The following MEP1A variants were observed in gnomAD, a reference collection of about 807,000 sequenced individuals.
MEP1A encodes the protein meprin A subunit alpha.
Under a neutral mutation model 84.5 loss-of-function variants are expected in MEP1A, and 68 were observed. The observed-to-expected ratio is 0.80, with a 90% CI of 0.66 to 0.98. The LOEUF is 0.98. MEP1A is among the 50% of genes least tolerant of loss of function. The pLI is 0.00. For missense variants in MEP1A, 887 were observed against 919.9 expected (o/e 0.96, Z 0.46); for synonymous variants, 337 against 336.8 (o/e 1.00, Z -0.01).
downstream of MEP1A, among the ~76,000 whole-genome samples, chr6:46,842,071 C>T (rs966086727): frequency 1.3e-5 from 2 of 152,148 alleles, no homozygotes; most frequent in African/African-American, 4.8e-5. Flanking sequence ...TATCACTTCC[C>T]TAATAATACT....
chr6:46,839,054 G>T lies in MEP1A; in HGVS notation c.2159G>T (p.Gly720Val). ...QAVQVHGSVL[G>V]MVIGGTAGVI... ...GTGCAGGTGCACGGCAGTGTCCTGG[G>T]CATGGTGATCGGAGGCACGGCTGGC... The change falls in exon 14 of 14, where the codon GGC becomes GTC. Residue 720 changes from glycine (G) to valine (V), a missense_variant. Coordinates refer to ENST00000230588, the MANE Select transcript of MEP1A (RefSeq NM_005588.3). 6.2e-7 allele frequency: 1 copy of T among 1,613,854 alleles called. No individual in the cohort carries two copies. The highest frequency in any genetic ancestry group is 8.5e-7 in the Non-Finnish European group (1 of 1,179,810).
chr6:46,797,534 C>T (rs113693773), intron 3 of MEP1A, among the ~76,000 whole-genome samples: 5 of 152,316 alleles, frequency 3.3e-5, no homozygotes, highest in African/African-American at 1.2e-4. Flanking sequence ...TGGTCTTCCT[C>T]ATGATGTGGG....
chr6:46,820,546 C>G (rs1176721961), intron 7 of MEP1A, among the ~76,000 whole-genome samples: 3 of 152,094 alleles, frequency 2.0e-5, no homozygotes, highest in African/African-American at 7.2e-5. Flanking sequence ...GTCACCATGC[C>G]TGGCTAATTC....
chr6:46,824,995 G>A (rs28410801), intron 7 of MEP1A, among the ~76,000 whole-genome samples: 5 of 119,916 alleles, frequency 4.2e-5, no homozygotes, highest in East Asian at 4.4e-4. Flanking sequence ...TATTTAAATA[G>A]ATCTATTTAA....
In MEP1A at chr6:46,833,129, G is replaced by A. The variant is rs1282772441; in HGVS notation, c.1200G>A (p.Lys400=). The change falls in exon 11 of 14, where the codon AAG becomes AAA. Residue 400 remains lysine, a synonymous_variant. Transcript: ENST00000230588. ...IAHVVLKEEQ[K]FRYLFQGTKG... ...ATGTGGTGCTCAAAGAGGAACAGAA[G>A]TTTCGCTACCTTTTCCAGGGCACAA... 1 of 1,552,174 alleles carries A rather than the reference G, an allele frequency of 6.4e-7. No individual in the cohort carries two copies. The highest frequency in any genetic ancestry group is 2.2e-5 in the East Asian group (1 of 44,456).
At chr6:46,803,905 G>A (rs370727859) in intron 5 of MEP1A, among the ~76,000 whole-genome samples, 124 of 151,632 alleles carry the variant, frequency 8.2e-4, no homozygotes, top group East Asian at 2.7e-3. Flanking sequence ...TGTCCTTAGC[G>A]TTAATATTAT....
chr6:46,820,238 T>A (rs1767735699), intron 7 of MEP1A, among the ~76,000 whole-genome samples: 1 of 152,236 alleles, frequency 6.6e-6, no homozygotes, highest in African/African-American at 2.4e-5. Context: ...GCTAGTTATC[T>A]GGGTTCTGAT....
rs1474226278 is a variant in MEP1A, at chr6:46,819,463, AGTACT to A, written c.381-63_381-59del. ...AATTTCCTCCTAATTTGTGTTTTGG[AGTACT>A]GTGAATGACAGCCACTTAAAAATTC... On this transcript the variant is annotated intron_variant, in intron 6 of 13. Coordinates refer to ENST00000230588, the MANE Select transcript of MEP1A (RefSeq NM_005588.3). 6 of 1,310,058 alleles carry A rather than the reference AGTACT, an allele frequency of 4.6e-6. No homozygotes were observed. In the Admixed American group the frequency reaches 1.5e-4, roughly 32 times the overall value. 81.2% of individuals were successfully genotyped at this position (1,310,058 alleles called of 1,614,324 possible).
In MEP1A at chr6:46,835,125, C is replaced by A. The variant is rs541509286; in HGVS notation, c.1784-124C>A. 1.7e-4 allele frequency: 145 copies of A among 845,170 alleles called. No individual in the cohort carries two copies. The African/African-American group carries it at 2.4e-3, about 14-fold the overall frequency. The allele number at this position is 845,170 out of a possible 1,614,324, so 52.4% of individuals were successfully genotyped here. On this transcript the variant is annotated intron_variant, in intron 12 of 13. Transcript: ENST00000230588. ...TGGGAATCAGCTGGATTCAAAGCCA[C>A]TTTTCCATGTCACTAGGGGTGATGG...
chr6:46,839,146 T>C lies in MEP1A; in HGVS notation c.*10T>C. 1.2e-6 allele frequency: 2 copies of C among 1,610,744 alleles called. No individual in the cohort carries two copies. Among genetic ancestry groups the C allele is most frequent in the Non-Finnish European group, 1.7e-6 (2 of 1,178,892 alleles). On this transcript the variant is annotated 3_prime_UTR_variant, in exon 14 of 14. Transcript: ENST00000230588. ...AAGGCCAAGGAAGTGACCTGCCTGC[T>C]GGCATTGGCCAGACCACAGCAGCAC... is the stretch of plus-strand genomic sequence containing the variant.
At chr6:46,816,044 C>A (rs923925398) in intron 6 of MEP1A, among the ~76,000 whole-genome samples, 7 of 152,068 alleles carry the variant, frequency 4.6e-5, no homozygotes, top group African/African-American at 1.7e-4. Context: ...TCAAGCAATT[C>A]TCCTGCCTCA....
intron 9 of MEP1A, 87 bp downstream of exon 9, chr6:46,826,590 A>G (rs1402508741): frequency 5.1e-6 from 6 of 1,170,066 alleles, no homozygotes; most frequent in African/African-American, 1.6e-5. Context: ...CCTCAGTCAG[A>G]ATGTTAGTTA....
rs779464480 is a variant in MEP1A, at chr6:46,799,187, A to G, written c.262+6A>G. 1.3e-6 allele frequency: 2 copies of G among 1,586,976 alleles called. No homozygotes were observed. The highest frequency in any genetic ancestry group is 1.7e-6 in the Non-Finnish European group (2 of 1,155,340). On this transcript the variant is annotated splice_donor_region_variant and intron_variant, in intron 5 of 13. Transcript: ENST00000230588. The stretch of plus-strand genomic sequence containing the variant: ...CATCTTGGCTGATAATTTGGGTAAT[A>G]TTAATTGTTCTTAATTAGGAAGTTT...
chr6:46,802,341 T>A (rs1330268650), intron 5 of MEP1A, among the ~76,000 whole-genome samples: 1 of 151,924 alleles, frequency 6.6e-6, no homozygotes, highest in African/African-American at 2.4e-5. Context: ...TTGATGCTAT[T>A]AAAATGAAAT....
At chr6:46,845,341 A>C in the MEP1A span, among the ~76,000 whole-genome samples, 1 of 152,234 alleles carries the variant, frequency 6.6e-6, no homozygotes, top group Non-Finnish European at 1.5e-5. Context: ...AAATGGGGCC[A>C]CGTGGTGGCC....
At position 46,793,701 on chromosome 6, in the gene MEP1A, T is replaced by A. The variant is rs768987892; in HGVS notation, c.130T>A (p.Ser44Thr). The change falls in exon 3 of 14, where the codon TCA (serine) becomes ACA (threonine). Residue 44 changes from serine (S) to threonine (T), a missense_variant. Coordinates refer to ENST00000230588, the MANE Select transcript of MEP1A (RefSeq NM_005588.3). ...AGATTTTGGTGAACAGAAGGATATT[T>A]CAGAAATCAATTTAGGTGAGTTCAA... is the stretch of plus-strand genomic sequence containing the variant. ...DADFGEQKDISEINLAAGLDL... is the reference protein window; with the variant it reads ...DADFGEQKDITEINLAAGLDL... The A allele has an allele frequency of 6.2e-7, 1 of 1,609,488 alleles. No homozygotes were observed. Among genetic ancestry groups the A allele is most frequent in the South Asian group, 1.1e-5 (1 of 90,816 alleles).
chr6:46,832,955 G>T (rs1347616491), intron 10 of MEP1A, 119 bp from the exon 11 acceptor site: 2 of 603,164 alleles, frequency 3.3e-6, no homozygotes, highest in Non-Finnish European at 5.9e-6. Flanking sequence ...ATTTTATAGG[G>T]CTGTTGTGAG....
At chr6:46,809,012 A>T (rs1001812528) in intron 5 of MEP1A, among the ~76,000 whole-genome samples, 1 of 152,006 alleles carries the variant, frequency 6.6e-6, no homozygotes, top group African/African-American at 2.4e-5. Flanking sequence ...TGTCAACTAA[A>T]GCCAGAGCTA....
rs137926156 is a variant in MEP1A, at chr6:46,833,086, A to G, written c.1157A>G (p.His386Arg). 426 of 1,523,798 alleles carry G rather than the reference A, an allele frequency of 2.8e-4. 5 individuals are homozygous for G. In the African/African-American group the frequency reaches 5.2e-3, roughly 18 times the overall value. The allele number at this position is 1,523,798 out of a possible 1,614,324, so 94.4% of individuals were successfully genotyped here. Residue 386 changes from histidine (H) to arginine (R), a missense_variant, in exon 11 of 14, where the codon CAC (histidine) becomes CGC (arginine). Coordinates refer to ENST00000230588, the MANE Select transcript of MEP1A (RefSeq NM_005588.3). ...TCTCTGTCCTCAGGAGATGATGACC[A>G]CAATTGGAAAATTGCCCATGTGGTG... ...KVQTFQGDDDHNWKIAHVVLK... is the reference protein window; with the variant it reads ...KVQTFQGDDDRNWKIAHVVLK...
Sources: allele counts gnomAD v4.1 joint callset (sites outside exome capture counted in the v4.1 genomes callset), GRCh38; gene constraint gnomAD v4.1.1; transcripts MANE v1.5; gene names NCBI Gene and HGNC (gene_info 2026-07-23, HGNC 2026-07-21).